Variants in CFP observed in about 807,000 individuals in gnomAD.
CFP encodes properdin.
Under a neutral mutation model 42.1 loss-of-function variants are expected in CFP, and 14 were observed. The observed-to-expected ratio is 0.33, with a 90% confidence interval of 0.22 to 0.52. CFP has a LOEUF of 0.52. Among genes scored for constraint, CFP ranks in the 20% least tolerant of loss-of-function variants. The probability of loss-of-function intolerance (pLI) is 0.96; values close to 1 mark genes in which losing one functional copy is unlikely to be tolerated. For missense variants in CFP, 318 were observed against 400.4 expected (o/e 0.79, Z 1.76); for synonymous variants, 149 against 160.6 (o/e 0.93, Z 0.54).
Position 47,624,215 on chromosome X carries a change from G to C in CFP, c.*60C>G. The C allele has an allele frequency of 8.7e-7, 1 of 1,154,210 alleles. No homozygotes were observed. The highest frequency in any genetic ancestry group is 2.2e-5 in the Admixed American group (1 of 45,976). ...CCTTTAAGGAATCGTAGACGAACTC[G>C]AAGAGGCTAGTTTATTGAGGTTTGG... On this transcript the variant is annotated 3_prime_UTR_variant, in exon 9 of 9. Coordinates refer to ENST00000396992, the MANE Select transcript of CFP (RefSeq NM_001145252.3).
At chrX:47,628,547 G>T in intron 2 of CFP, 1 of 477,944 alleles carries the variant, frequency 2.1e-6, no homozygotes. Context: ...GTAAGCAAAG[G>T]TAAGGACTAG....
intron 8 of CFP, 116 bp downstream of exon 8, chrX:47,625,942 T>C: frequency 1.7e-6 from 1 of 598,769 alleles, no homozygotes; most frequent in Non-Finnish European, 2.8e-6. Context: ...GAGGTGGCAC[T>C]CGGCAAGGCA....
intron 2 of CFP, chrX:47,628,588 G>A (rs1415644430): frequency 4.5e-6 from 2 of 445,893 alleles, no homozygotes; most frequent in Non-Finnish European, 8.2e-6. Flanking sequence ...AAACCCACCA[G>A]ATCACCACAC....
chrX:47,625,957 C>T, intron 8 of CFP, 101 bp downstream of exon 8: 1 of 664,442 alleles, frequency 1.5e-6, no homozygotes, highest in South Asian at 2.3e-5. Flanking sequence ...AAGGCAGATA[C>T]CTTAGATTCA....
chrX:47,627,733 C>A, intron 3 of CFP, 92 bp from the exon 4 acceptor site: 1 of 912,533 alleles, frequency 1.1e-6, no homozygotes, highest in Non-Finnish European at 1.5e-6. Flanking sequence ...CTAATCCTGT[C>A]CTTATATCCT....
At position 47,626,909 on chromosome X, in the gene CFP, G is replaced by A. The variant is rs1217791315; in HGVS notation, c.804C>T (p.Pro268=). 8.4e-7 allele frequency: 1 copy of A among 1,191,581 alleles called. No individual in the cohort carries two copies. The highest frequency in any genetic ancestry group is 3.1e-5 in the East Asian group (1 of 32,741). ...GGCCCAGGCCACAGGTCACAGGGCA[G>A]GGGCTCACAGGGCCCCAAGGCCCCC... is the stretch of plus-strand genomic sequence containing the variant. ...GGWGPWGPVS[P]CPVTCGLGQT... Residue 268 remains proline, a synonymous_variant, in exon 6 of 9, where the codon CCC becomes CCT. Transcript: ENST00000396992.
chrX:47,629,985 C>A (rs1201848371), upstream of CFP: 2 of 568,194 alleles, frequency 3.5e-6, no homozygotes. Flanking sequence ...CCACCCTGTC[C>A]CCTCTGCCTC....
Position 47,629,780 on chromosome X carries a change from A to G in CFP, c.65T>C (p.Leu22Pro), listed in dbSNP as rs894053231. The part of the protein sequence containing the change: ...LLPPLLLLLT[L>P]PATGSDPVLC... ...CCTCACCCCCTCACCTGTGGCTGGC[A>G]GGGTGAGCAGCAGGAGCAGCGGCGG... Residue 22 changes from leucine (L) to proline (P), a missense_variant, in exon 1 of 9, where the codon CTG becomes CCG. Physicochemically the swap from Leu to Pro is moderately conservative, Grantham distance 98. Transcript: ENST00000396992. 1.4e-5 allele frequency: 16 copies of G among 1,169,402 alleles called. No individual in the cohort carries two copies. The Admixed American group carries it at 1.5e-4, about 11-fold the overall frequency.
At chrX:47,626,294 C>G in intron 7 of CFP, 34 bp downstream of exon 7, 1 of 1,201,948 alleles carries the variant, frequency 8.3e-7, no homozygotes, top group Non-Finnish European at 1.1e-6. Context: ...CATGGGCCAC[C>G]CCACCCTCAG....
In CFP at chrX:47,626,498, C is replaced by T. The variant is rs778252094; in HGVS notation, c.962G>A (p.Trp321Ter). ...TCGGATACAGGGGCTCCACTCCCCC[C>T]ACGAGTCCCACTCCCCATCCACTGC... ...PCPVDGEWDS[W>*]GEWSPCIRRN... Residue 321 changes from tryptophan to a stop codon, truncating the protein, a stop_gained, in exon 7 of 9, where the codon TGG becomes TAG. Coordinates refer to ENST00000396992, the MANE Select transcript of CFP (RefSeq NM_001145252.3). LOFTEE classifies it high-confidence loss of function. 1 of 1,211,743 alleles carries T rather than the reference C, an allele frequency of 8.3e-7. No homozygotes were observed. Among genetic ancestry groups the T allele is most frequent in the Non-Finnish European group, 1.1e-6 (1 of 895,424 alleles).
At chrX:47,629,290 TA>T (rs2057981143) in intron 2 of CFP, 1 of 396,320 alleles carries the variant, frequency 2.5e-6, no homozygotes, top group Non-Finnish European at 4.4e-6. Flanking sequence ...AGTGGAAGGC[TA>T]GGGGTGTTAC....
chrX:47,627,372 A>T, intron 4 of CFP, 40 bp from the exon 5 acceptor site: 1 of 1,182,973 alleles, frequency 8.5e-7, no homozygotes. Flanking sequence ...AGGTGTGGTC[A>T]TGCATGCTAA....
At position 47,627,204 on chromosome X, in the gene CFP, C is replaced by T. The variant is rs2057972476; in HGVS notation, c.703G>A (p.Gly235Arg). 1.4e-5 allele frequency: 17 copies of T among 1,211,877 alleles called. No individual in the cohort carries two copies. Among genetic ancestry groups the T allele is most frequent in the Non-Finnish European group, 1.8e-5 (16 of 895,380 alleles). ...TAGGCTAGCCCCGGGCAGGGCTTCC[C>T]AGGAGGTTTCTGGGAGGGCTCAGGT... is the stretch of plus-strand genomic sequence containing the variant. Reference protein sequence around the residue: ...SAPEPSQKPPGKPCPGLAYEQ... With the variant: ...SAPEPSQKPPRKPCPGLAYEQ... The change falls in exon 5 of 9, where the codon GGG (glycine) becomes AGG (arginine). Residue 235 changes from glycine to arginine, a missense_variant. Transcript: ENST00000396992.
Position 47,629,922 on chromosome X carries a change from G to A in CFP, c.-78C>T. 9.4e-7 allele frequency: 1 copy of A among 1,059,328 alleles called. No homozygotes were observed. The highest frequency in any genetic ancestry group is 2.0e-5 in the South Asian group (1 of 50,379). The allele number at this position is 1,059,328 out of a possible 1,213,427, so 87.3% of individuals were successfully genotyped here. ...GGTTGATAGGCTCCTGGAATCAGCA[G>A]GGAAAGAGGAACCTAGAGGCAGGAG... is the stretch of plus-strand genomic sequence containing the variant. On this transcript the variant is annotated 5_prime_UTR_variant, in exon 1 of 9. Coordinates refer to ENST00000396992, the MANE Select transcript of CFP (RefSeq NM_001145252.3).
chrX:47,628,385 C>T (rs748654394), intron 2 of CFP, 108 bp from the exon 3 acceptor site: 20 of 762,350 alleles, frequency 2.6e-5, no homozygotes, highest in East Asian at 6.9e-5. Flanking sequence ...AGTGCGTGTG[C>T]GATGGATTGA....
At position 47,628,245 on chromosome X, in the gene CFP, G is replaced by T; in HGVS notation, c.260C>A (p.Ala87Asp). The change falls in exon 3 of 9, where the codon GCC (alanine) becomes GAC (aspartate). Residue 87 changes from alanine to aspartate, a missense_variant. By Grantham distance (126) the Ala-to-Asp change is moderately radical (BLOSUM62 -2). Coordinates refer to ENST00000396992, the MANE Select transcript of CFP (RefSeq NM_001145252.3). The stretch of plus-strand genomic sequence containing the variant: ...CTCAGAGCACGTCACCGAACAGGGG[G>T]CCCATGTGGACCACAGGGACCATCG... ...SPRWSLWSTW[A>D]PCSVTCSEGS... The T allele has an allele frequency of 8.3e-7, 1 of 1,210,578 alleles. No individual in the cohort carries two copies. Among genetic ancestry groups the T allele is most frequent in the Non-Finnish European group, 1.1e-6 (1 of 894,845 alleles).
Position 47,624,155 on chromosome X carries a change from CCTA to C in CFP, c.*117_*119del, listed in dbSNP as rs2057958839. ...TGTTTGCCCTATGAGATGCTATCAC[CCTA>C]CTTTTGGGGAAGGGGATAGGTTGTT... On this transcript the variant is annotated 3_prime_UTR_variant, in exon 9 of 9. Transcript: ENST00000396992. 2.6e-6 allele frequency: 2 copies of C among 775,839 alleles called. No homozygotes were observed. The highest frequency in any genetic ancestry group is 4.0e-6 in the Non-Finnish European group (2 of 504,990). The allele number at this position is 775,839 out of a possible 1,213,427, so 63.9% of individuals were successfully genotyped here.
chrX:47,627,680 G>C (rs1205929498), intron 3 of CFP, 39 bp from the exon 4 acceptor site: 8 of 1,133,542 alleles, frequency 7.1e-6, no homozygotes, highest in South Asian at 2.0e-5. Context: ...TGGAGGTGGG[G>C]TGTCATTCAG....
Position 47,629,534 on chromosome X carries a change from G to T in CFP, c.217C>A (p.Gln73Lys), listed in dbSNP as rs1229986616. ...CAGGCTCCCCCTAACCTGCAAGGCT[G>T]ACAGAGCCCACCACTACGTTTCTGG... ...AYQKRSGGLC[Q>K]PCRSPRWSLW... is the part of the protein sequence containing the mutation. The change falls in exon 2 of 9, where the codon CAG becomes AAG. Residue 73 changes from glutamine (Q) to lysine (K), a missense_variant. Coordinates refer to ENST00000396992, the MANE Select transcript of CFP (RefSeq NM_001145252.3). 8.7e-7 allele frequency: 1 copy of T among 1,155,335 alleles called. No homozygotes were observed. Among genetic ancestry groups the T allele is most frequent in the Non-Finnish European group, 1.2e-6 (1 of 863,249 alleles).
Sources: allele counts gnomAD v4.1 joint callset, GRCh38; gene constraint gnomAD v4.1.1; transcripts MANE v1.5; gene names NCBI Gene and HGNC (gene_info 2026-07-23, HGNC 2026-07-21).